CACNA1C: variants seen among roughly 807,000 people sequenced by gnomAD.
CACNA1C encodes voltage-dependent L-type calcium channel subunit alpha-1C.
In CACNA1C, 30 loss-of-function variants were observed where a neutral mutation model predicts 229.0. That is an observed-to-expected ratio of 0.13 (90% CI 0.10 to 0.18). The LOEUF (loss-of-function observed/expected upper bound fraction) is 0.18. Ranked by LOEUF, CACNA1C falls within the 10% of genes least tolerant of loss-of-function variation. CACNA1C has a pLI of 1.00. For missense variants in CACNA1C, 1,658 were observed against 2,845.0 expected (o/e 0.58, Z 9.49); for synonymous variants, 1,114 against 1,132.5 (o/e 0.98, Z 0.33).
At chr12:2,096,291 T>C (rs1173855662) in intron 1 of CACNA1C, among the ~76,000 whole-genome samples, 14 of 152,232 alleles carry the variant, frequency 9.2e-5, no homozygotes, top group Admixed American at 6.5e-4. Context: ...TTGAAAACAA[T>C]TTATGACCAG....
chr12:2,522,533 A>G (rs1281768799), intron 9 of CACNA1C, among the ~76,000 whole-genome samples: 1 of 152,132 alleles, frequency 6.6e-6, no homozygotes, highest in Non-Finnish European at 1.5e-5. Context: ...GGCCGAGAGG[A>G]AAGTTTGGAA....
At chr12:2,563,484 G>A (rs565818045) in intron 11 of CACNA1C, among the ~76,000 whole-genome samples, 51 of 152,282 alleles carry the variant, frequency 3.3e-4, no homozygotes, top group Admixed American at 8.5e-4. Flanking sequence ...ACTGGAGATG[G>A]CCTTCAAGCT....
chr12:2,263,290 T>A (rs1256735550), intron 3 of CACNA1C, among the ~76,000 whole-genome samples: 1 of 150,276 alleles, frequency 6.7e-6, no homozygotes, highest in East Asian at 2.0e-4. Context: ...ATGCCCAGCG[T>A]GTCTGGGAGC....
chr12:2,099,938 A>G (rs1172549017), intron 1 of CACNA1C, among the ~76,000 whole-genome samples: 1 of 152,176 alleles, frequency 6.6e-6, no homozygotes, highest in Non-Finnish European at 1.5e-5. Context: ...GCTTTTTACA[A>G]GTGAGGAAGC....
At chr12:2,591,899 C>T (rs758766488) in intron 18 of CACNA1C, among the ~76,000 whole-genome samples, 2 of 152,192 alleles carry the variant, frequency 1.3e-5, no homozygotes, top group Non-Finnish European at 2.9e-5. Flanking sequence ...TGCATCCCTC[C>T]AATCTCTGCC....
At chr12:2,622,130 A>G (rs1410645603) in intron 29 of CACNA1C, among the ~76,000 whole-genome samples, 3 of 152,190 alleles carry the variant, frequency 2.0e-5, no homozygotes, top group Non-Finnish European at 4.4e-5. Context: ...TCCCCAGGAT[A>G]AGAGTAGGGA....
chr12:2,388,449 AC>A (rs2098432525), intron 3 of CACNA1C, among the ~76,000 whole-genome samples: 1 of 152,250 alleles, frequency 6.6e-6, no homozygotes. Context: ...TGTCAATTAT[AC>A]CTTAATAAAG....
At chr12:2,624,990 C>T (rs1427742731) in intron 29 of CACNA1C, among the ~76,000 whole-genome samples, 1 of 152,200 alleles carries the variant, frequency 6.6e-6, no homozygotes, top group Admixed American at 6.5e-5. Context: ...CTCCCGCATT[C>T]CCCTGATTAT....
At chr12:2,524,572 C>T (rs1180790128) in intron 9 of CACNA1C, among the ~76,000 whole-genome samples, 2 of 152,234 alleles carry the variant, frequency 1.3e-5, no homozygotes, top group Admixed American at 6.5e-5. Context: ...CTTTTCACCC[C>T]ACGGTGGAGT....
intron 3 of CACNA1C, among the ~76,000 whole-genome samples, chr12:2,256,717 A>T (rs2078032238): frequency 6.6e-6 from 1 of 152,092 alleles, no homozygotes; most frequent in Non-Finnish European, 1.5e-5. Flanking sequence ...CCATCCTCAG[A>T]TTCCAGCCTA....
At chr12:2,611,363 G>A (rs1292456239) in intron 28 of CACNA1C, among the ~76,000 whole-genome samples, 12 of 148,060 alleles carry the variant, frequency 8.1e-5, no homozygotes, top group African/African-American at 2.3e-4. Flanking sequence ...GATCAATGGA[G>A]AGGGGAGGAG....
chr12:2,187,667 T>C (rs1305442026), intron 3 of CACNA1C, among the ~76,000 whole-genome samples: 1 of 152,236 alleles, frequency 6.6e-6, no homozygotes, highest in Non-Finnish European at 1.5e-5. Context: ...ATGTGGGCAC[T>C]GCGGTGAGAA....
chr12:2,166,544 T>A (rs368163331), intron 3 of CACNA1C, among the ~76,000 whole-genome samples: 2 of 152,202 alleles, frequency 1.3e-5, no homozygotes, highest in African/African-American at 4.8e-5. Context: ...CTCTGTCTAG[T>A]ATGGTGGGCA....
intron 1 of CACNA1C, among the ~76,000 whole-genome samples, chr12:2,047,001 T>C (rs2051185328): frequency 6.6e-6 from 1 of 152,328 alleles, no homozygotes; most frequent in Admixed American, 6.5e-5. Context: ...TCAGCTTTGC[T>C]CTCTGAACCG....
At chr12:2,335,115 C>T (rs2096652500) in intron 3 of CACNA1C, among the ~76,000 whole-genome samples, 1 of 152,118 alleles carries the variant, frequency 6.6e-6, no homozygotes, top group African/African-American at 2.4e-5. Flanking sequence ...ATCTCAGCCA[C>T]ACATAGTGCC....
rs932215376 is a variant in CACNA1C, at chr12:2,375,509, G to A, written c.478-73467G>A. On this transcript the variant is annotated intron_variant, in intron 3 of 46. Transcript: ENST00000399655. Reference sequence around the variant, plus strand: ...AGGAGTTAGCCTGGAGGTCCCCAACGTTACACTCACTGATACCATTCTATG... The same window carrying A: ...AGGAGTTAGCCTGGAGGTCCCCAACATTACACTCACTGATACCATTCTATG... Among the ~76,000 whole-genome samples the A allele has an allele frequency of 1.3e-4, 20 of 152,258 alleles. No homozygotes were observed. The East Asian group carries it at 1.7e-3, about 13-fold the overall frequency.
In CACNA1C at chr12:2,381,119, G is replaced by T. The variant is rs533296632; in HGVS notation, c.478-67857G>T. On this transcript the variant is annotated intron_variant, in intron 3 of 46. Transcript: ENST00000399655. The stretch of plus-strand genomic sequence containing the variant: ...ACACTCAAGCTGGCTGCCTGTGGTT[G>T]TGGGAAGTCCCTCACTCCTCTGTCC... 2.6e-5 allele frequency among the ~76,000 whole-genome samples: 4 copies of T among 152,334 alleles called. No individual in the cohort carries two copies. The East Asian group carries it at 5.8e-4, about 22-fold the overall frequency.
At chr12:2,092,917 T>A (rs1269262046) in intron 1 of CACNA1C, among the ~76,000 whole-genome samples, 1 of 152,218 alleles carries the variant, frequency 6.6e-6, no homozygotes, top group Non-Finnish European at 1.5e-5. Context: ...CCACATCATA[T>A]CTTCTGGCCT....
chr12:2,176,921 G>A (rs1192941849), intron 3 of CACNA1C, among the ~76,000 whole-genome samples: 3 of 152,290 alleles, frequency 2.0e-5, no homozygotes, highest in African/African-American at 4.8e-5. Context: ...CACATTCAGG[G>A]GGAACTTCTC....
Sources: allele counts gnomAD v4.1 joint callset (sites outside exome capture counted in the v4.1 genomes callset), GRCh38; gene constraint gnomAD v4.1.1; transcripts MANE v1.5; gene names NCBI Gene and HGNC (gene_info 2026-07-23, HGNC 2026-07-21).